ROPN1L: variants seen among roughly 807,000 people sequenced by gnomAD.
The protein encoded by ROPN1L is ropporin-1-like protein.
In ROPN1L, 23 loss-of-function variants were observed where a neutral mutation model predicts 22.7. The ratio of observed to expected loss-of-function variants is 1.01; its 90% CI spans 0.73 to 1.43. The LOEUF is 1.43. Among genes scored for constraint, ROPN1L ranks in the 40% most tolerant of loss-of-function variants. The probability of loss-of-function intolerance (pLI) is 0.00; values close to 1 mark genes in which losing one functional copy is unlikely to be tolerated. For synonymous variants in ROPN1L, 116 were observed against 117.8 expected, an observed-to-expected ratio of 0.98 and a Z score of 0.10; for missense variants, 271 against 291.5, an observed-to-expected ratio of 0.93 and a Z score of 0.51.
intron 3 of ROPN1L, among the ~76,000 whole-genome samples, chr5:10,456,174 G>T (rs1358850175): frequency 6.6e-6 from 1 of 152,232 alleles, no homozygotes; most frequent in African/African-American, 2.4e-5. Context: ...TATGGATCAG[G>T]TGTAAATACT....
intron 1 of ROPN1L, 74 bp downstream of exon 1, chr5:10,442,372 G>C: frequency 6.3e-7 from 1 of 1,576,048 alleles, no homozygotes; most frequent in Non-Finnish European, 8.6e-7. Flanking sequence ...CCCTCCTCCC[G>C]GACCAGGGGC....
intron 3 of ROPN1L, among the ~76,000 whole-genome samples, chr5:10,459,605 C>T (rs1468235231): frequency 2.0e-5 from 3 of 152,156 alleles, no homozygotes; most frequent in Non-Finnish European, 4.4e-5. Flanking sequence ...CCTGGAGCTC[C>T]TGGCTGTTTC....
At chr5:10,447,027 G>A (rs1201717636) in intron 1 of ROPN1L, among the ~76,000 whole-genome samples, 1 of 152,186 alleles carries the variant, frequency 6.6e-6, no homozygotes, top group Non-Finnish European at 1.5e-5. Flanking sequence ...GAGAGAGAAA[G>A]GATGAGATAT....
chr5:10,445,558 G>A (rs533457028), intron 1 of ROPN1L, among the ~76,000 whole-genome samples: 2 of 152,126 alleles, frequency 1.3e-5, no homozygotes, highest in African/African-American at 4.8e-5. Flanking sequence ...GAAGAAGGGG[G>A]TGGAGACAGG....
At chr5:10,476,849 G>T (rs376162347), downstream of ROPN1L, among the ~76,000 whole-genome samples, 1 of 152,328 alleles carries the variant, frequency 6.6e-6, no homozygotes, top group Middle Eastern at 3.4e-3. Flanking sequence ...TTAAAGAGAC[G>T]AAATGGAGGC....
chr5:10,461,412 C>G, intron 4 of ROPN1L, 53 bp downstream of exon 4: 2 of 1,492,298 alleles, frequency 1.3e-6, no homozygotes, highest in Non-Finnish European at 1.9e-6. Flanking sequence ...GGAGAATTTC[C>G]TGTTTCACTT....
chr5:10,479,738 G>A, the ROPN1L span, among the ~76,000 whole-genome samples: 1 of 152,128 alleles, frequency 6.6e-6, no homozygotes, highest in African/African-American at 2.4e-5. Context: ...GTAATAGGCT[G>A]GGACATGTCA....
At chr5:10,457,995 C>G (rs544438650) in intron 3 of ROPN1L, among the ~76,000 whole-genome samples, 3 of 152,168 alleles carry the variant, frequency 2.0e-5, no homozygotes, top group East Asian at 1.9e-4. Context: ...CCACCCTGCT[C>G]GGGAAGGTCC....
At chr5:10,480,638 T>G in the ROPN1L span, among the ~76,000 whole-genome samples, 5 of 151,952 alleles carry the variant, frequency 3.3e-5, no homozygotes, top group East Asian at 9.7e-4. Flanking sequence ...TGTCCTCCAG[T>G]GTGAGTGGCT....
At position 10,442,087 on chromosome 5, in the gene ROPN1L, C is replaced by A. The variant is rs994653603; in HGVS notation, c.-81C>A. The A allele has an allele frequency of 6.5e-7, 1 of 1,550,292 alleles. No individual in the cohort carries two copies. Among genetic ancestry groups the A allele is most frequent in the Admixed American group, 1.8e-5 (1 of 57,070 alleles). ...CGCAAGCCCCGCGCTGCTAGCGGGT[C>A]CACCGCGTCGTAGCCGACAGCCGCC... On this transcript the variant is annotated 5_prime_UTR_variant, in exon 1 of 5. Transcript: ENST00000274134.
At chr5:10,478,041 G>C in the ROPN1L span, 1 of 152,308 alleles carries the variant, frequency 6.6e-6, no homozygotes, top group Non-Finnish European at 1.5e-5. Context: ...TTCTCATCCC[G>C]CATTCCCTCT....
rs1351656258 is a variant in ROPN1L at position 10,464,977 on chromosome 5, A to G, written c.*30A>G. 7.5e-7 allele frequency: 1 copy of G among 1,328,592 alleles called. No homozygotes were observed. The highest frequency in any genetic ancestry group is 2.3e-5 in the East Asian group (1 of 42,626). 82.3% of individuals were successfully genotyped at this position (1,328,592 alleles called of 1,614,324 possible). On this transcript the variant is annotated 3_prime_UTR_variant, in exon 5 of 5. Transcript: ENST00000274134. ...GAGAAGAATACATTTTAATGTCAAAATAGTGCTCTTTAAAATTCTGGCACC... is the reference window on the plus strand; with the variant it reads ...GAGAAGAATACATTTTAATGTCAAAGTAGTGCTCTTTAAAATTCTGGCACC...
Position 10,470,419 on chromosome 5 carries a change from C to A in ROPN1L, n.886-1391C>A, listed in dbSNP as rs909239016. Among the ~76,000 whole-genome samples the A allele has an allele frequency of 2.0e-5, 3 of 152,246 alleles. 1 individual carries two copies. Among genetic ancestry groups the A allele is most frequent in the Middle Eastern group, 6.3e-3 (2 of 316 alleles). On this transcript the variant is annotated intron_variant and non_coding_transcript_variant, in intron 4 of 4. Coordinates refer to the ROPN1L transcript ENST00000510520. ...GCCAGGTCCTCCTTCTGCCCAGGGT[C>A]CAGGCCCACCCACCTGGCCTCACAC...
At chr5:10,469,515 C>T (rs1435684780), downstream of ROPN1L, among the ~76,000 whole-genome samples, 1 of 151,968 alleles carries the variant, frequency 6.6e-6, no homozygotes, top group Non-Finnish European at 1.5e-5. Flanking sequence ...TCCTGGCATT[C>T]ATACGGTGTG....
chr5:10,461,020 A>G (rs1254612508), intron 3 of ROPN1L, among the ~76,000 whole-genome samples, 164 bp from the exon 4 acceptor site: 1 of 152,160 alleles, frequency 6.6e-6, no homozygotes, highest in Admixed American at 6.5e-5. Flanking sequence ...ATTTTTCATT[A>G]TGGCAATTGT....
intron 3 of ROPN1L, among the ~76,000 whole-genome samples, chr5:10,456,342 G>C (rs572799621): frequency 6.6e-6 from 1 of 152,166 alleles, no homozygotes; most frequent in Non-Finnish European, 1.5e-5. Context: ...ACAAAAATTA[G>C]CTGGGCATGG....
At chr5:10,452,126 A>T (rs1043125647) in intron 3 of ROPN1L, among the ~76,000 whole-genome samples, 1 of 151,824 alleles carries the variant, frequency 6.6e-6, no homozygotes, top group South Asian at 2.1e-4. Context: ...GATTACAGGC[A>T]TGCACCACCA....
At chr5:10,454,736 A>G (rs1025258468) in intron 3 of ROPN1L, among the ~76,000 whole-genome samples, 2 of 152,228 alleles carry the variant, frequency 1.3e-5, no homozygotes, top group African/African-American at 4.8e-5. Context: ...CGGTGCACGC[A>G]GTGGGCATGA....
chr5:10,477,331 G>A, the ROPN1L span, among the ~76,000 whole-genome samples: 7 of 152,176 alleles, frequency 4.6e-5, no homozygotes, highest in Admixed American at 4.6e-4. Context: ...CCATGTCCTG[G>A]TCCACGGACT....
Sources: gnomAD v4.1 joint callset for allele counts (sites outside exome capture counted in the v4.1 genomes callset) on GRCh38, gnomAD v4.1.1 for gene constraint, MANE v1.5 for transcripts, NCBI Gene and HGNC (gene_info 2026-07-23, HGNC 2026-07-21) for gene names.